Variants in PHKB observed in about 807,000 individuals in gnomAD.
PHKB encodes phosphorylase kinase regulatory subunit beta, also known as phosphorylase b kinase regulatory subunit beta.
A neutral mutation model predicts 152.1 loss-of-function variants in PHKB; 122 were observed. The ratio of observed to expected loss-of-function variants is 0.80; its 90% confidence interval spans 0.69 to 0.93. The LOEUF is 0.93. Among genes scored for constraint, PHKB ranks in the 40% least tolerant of loss-of-function variants. PHKB has a pLI of 0.00. For missense variants in PHKB, 1,304 were observed against 1,328.4 expected (o/e 0.98, Z 0.29); for synonymous variants, 436 against 464.9 (o/e 0.94, Z 0.80).
intron 18 of PHKB, 75 bp downstream of exon 18, chr16:47,649,279 G>A (rs935308693): frequency 2.4e-6 from 2 of 837,274 alleles, no homozygotes; most frequent in Admixed American, 1.7e-5. Context: ...ACTATATTGA[G>A]TACTCCCAGG....
At chr16:47,593,252 GGAAA>G (rs1311068071) in intron 10 of PHKB, among the ~76,000 whole-genome samples, 43 of 147,456 alleles carry the variant, frequency 2.9e-4, no homozygotes, top group Admixed American at 1.2e-3. Context: ...AGGGAGGAAG[GGAAA>G]GAAAGAAAGA....
At chr16:47,467,111 G>A (rs1162515809) in intron 1 of PHKB, among the ~76,000 whole-genome samples, 9 of 152,104 alleles carry the variant, frequency 5.9e-5, no homozygotes, top group Non-Finnish European at 1.2e-4. Context: ...TAGTAACTGC[G>A]CAATAAATTT....
At chr16:47,580,435 C>A in intron 8 of PHKB, 77 bp downstream of exon 8, 2 of 1,059,530 alleles carry the variant, frequency 1.9e-6, no homozygotes, top group South Asian at 2.5e-5. Context: ...TTAACAAAGT[C>A]ATTTCCTTAT....
chr16:47,565,446 G>A (rs983865263), intron 7 of PHKB: 13 of 1,387,742 alleles, frequency 9.4e-6, no homozygotes, highest in Non-Finnish European at 1.2e-5. Flanking sequence ...GAGCAGGAGG[G>A]TTAGAACTTC....
At chr16:47,696,103 C>G (rs781411919) in intron 28 of PHKB, among the ~76,000 whole-genome samples, 11 of 152,122 alleles carry the variant, frequency 7.2e-5, no homozygotes. Flanking sequence ...TTGGCTATTC[C>G]TTTTGTGTAT....
At chr16:47,534,975 A>G (rs1032290137) in intron 6 of PHKB, among the ~76,000 whole-genome samples, 1 of 152,252 alleles carries the variant, frequency 6.6e-6, no homozygotes, top group Non-Finnish European at 1.5e-5. Flanking sequence ...ACAGTGAAAT[A>G]CAAGGAGGAC....
chr16:47,598,513 C>T, intron 13 of PHKB: 1 of 591,140 alleles, frequency 1.7e-6, no homozygotes, highest in East Asian at 2.9e-5. Flanking sequence ...TTACCATAAT[C>T]ACCAATTTTA....
At chr16:47,528,696 C>CTTTTTTTTTTTT (rs11450311) in intron 6 of PHKB, among the ~76,000 whole-genome samples, 2 of 137,390 alleles carry the variant, frequency 1.5e-5, no homozygotes. Flanking sequence ...AGGACTTTTT[C>CTTTTTTTTTTTT]TTTTTTTTTT....
intron 7 of PHKB, 113 bp downstream of exon 7, chr16:47,547,661 A>T (rs369965829): frequency 5.7e-6 from 4 of 703,934 alleles, no homozygotes; most frequent in Non-Finnish European, 9.9e-6. Context: ...ATTTGTAGCA[A>T]TTTTTTTCTA....
intron 6 of PHKB, among the ~76,000 whole-genome samples, chr16:47,540,820 T>G (rs12925112): frequency 2.8e-4 from 2 of 7,170 alleles, no homozygotes; most frequent in African/African-American, 4.2e-4. Flanking sequence ...AAATGTCCTG[T>G]TTTTTTTTTT....
chr16:47,694,070 C>T (rs1974107899), intron 28 of PHKB, among the ~76,000 whole-genome samples: 1 of 152,158 alleles, frequency 6.6e-6, no homozygotes, highest in African/African-American at 2.4e-5. Context: ...GAGGAAATCA[C>T]CACTTAGGAA....
rs148465042 is a variant in PHKB at position 47,509,895 on chromosome 16, C to G, written c.406-1770C>G. Among the ~76,000 whole-genome samples the G allele has an allele frequency of 1.1e-4, 17 of 152,268 alleles. No individual in the cohort carries two copies. The East Asian group carries it at 3.3e-3, about 29-fold the overall frequency. On this transcript the variant is annotated intron_variant, in intron 4 of 30. Transcript: ENST00000323584. ...CAGATCCTATAGGTTCAGACTCAGT[C>G]CCACAAGACTACCCCCGGCTTCCGA... is the stretch of plus-strand genomic sequence containing the variant.
chr16:47,582,584 T>G (rs1388336508), intron 8 of PHKB, among the ~76,000 whole-genome samples: 2 of 152,058 alleles, frequency 1.3e-5, no homozygotes, highest in East Asian at 3.9e-4. Flanking sequence ...ATTTAATTGG[T>G]GTAGGGGGAG....
chr16:47,664,618 T>C (rs1461236796), intron 24 of PHKB, among the ~76,000 whole-genome samples: 2 of 152,156 alleles, frequency 1.3e-5, no homozygotes, highest in African/African-American at 4.8e-5. Flanking sequence ...CTTTCAAATT[T>C]TCACTGTAAA....
intron 14 of PHKB, among the ~76,000 whole-genome samples, chr16:47,630,443 C>T (rs1972806434): frequency 6.6e-6 from 1 of 151,712 alleles, no homozygotes; most frequent in African/African-American, 2.4e-5. Flanking sequence ...GATTTCGCTG[C>T]TGCACTCCAG....
chr16:47,552,861 C>T (rs1375270373), intron 7 of PHKB, among the ~76,000 whole-genome samples: 1 of 151,974 alleles, frequency 6.6e-6, no homozygotes, highest in African/African-American at 2.4e-5. Flanking sequence ...GAATATTGAT[C>T]CCCACTCTCT....
chr16:47,593,694 T>A (rs917661971), intron 11 of PHKB, 137 bp downstream of exon 11: 16 of 677,684 alleles, frequency 2.4e-5, no homozygotes, highest in Non-Finnish European at 4.0e-5. Context: ...TCAGTGATGT[T>A]AATTGCCCTG....
intron 6 of PHKB, among the ~76,000 whole-genome samples, chr16:47,543,790 AG>A (rs1360284896): frequency 6.6e-6 from 1 of 152,128 alleles, no homozygotes; most frequent in Non-Finnish European, 1.5e-5. Flanking sequence ...ATTTGAATAG[AG>A]GTGTTTGTAG....
chr16:47,682,667 A>G (rs1347718989), intron 26 of PHKB, among the ~76,000 whole-genome samples: 1 of 152,092 alleles, frequency 6.6e-6, no homozygotes. Context: ...CATTCGTCTA[A>G]TCTTTTTTCA....
Sources: gnomAD v4.1 joint callset for allele counts (sites outside exome capture counted in the v4.1 genomes callset) on GRCh38, gnomAD v4.1.1 for gene constraint, MANE v1.5 for transcripts, NCBI Gene and HGNC (gene_info 2026-07-23, HGNC 2026-07-21) for gene names.